PROS1: variants seen among roughly 807,000 people sequenced by gnomAD.
PROS1 encodes the protein vitamin K-dependent protein S.
PROS1 carries 29 observed loss-of-function variants against 75.9 expected under a neutral mutation model. The ratio of observed to expected loss-of-function variants is 0.38; its 90% confidence interval spans 0.28 to 0.52. PROS1 has a LOEUF of 0.52. PROS1 is among the 20% of genes least tolerant of loss of function. PROS1 has a pLI of 0.83. For missense variants in PROS1, 680 were observed against 810.3 expected, an observed-to-expected ratio of 0.84 and a Z score of 1.95; for synonymous variants, 245 against 280.6, an observed-to-expected ratio of 0.87 and a Z score of 1.27.
At position 93,949,008 on chromosome 3, in the gene PROS1, A is replaced by T. The variant is rs576018218; in HGVS notation, c.77-21601T>A. On this transcript the variant is annotated intron_variant, in intron 1 of 14. Coordinates refer to ENST00000394236, the MANE Select transcript of PROS1 (RefSeq NM_000313.4). ...AACATTGCAAGCATGGCACAGTAAC[A>T]GAATAACAGTTCATGGAACATGTGT... 2.6e-5 allele frequency among the ~76,000 whole-genome samples: 4 copies of T among 152,332 alleles called. No homozygotes were observed. In the East Asian group the frequency reaches 7.7e-4, roughly 29 times the overall value.
chr3:93,916,544 C>T (rs1409652659), intron 3 of PROS1, among the ~76,000 whole-genome samples: 5 of 152,166 alleles, frequency 3.3e-5, no homozygotes, highest in African/African-American at 1.2e-4. Context: ...TACTCCAAAG[C>T]AGTGTAATAC....
intron 10 of PROS1, among the ~76,000 whole-genome samples, chr3:93,892,689 T>TA (rs1338952395): frequency 6.6e-6 from 1 of 151,040 alleles, no homozygotes; most frequent in African/African-American, 2.4e-5. Flanking sequence ...AAACAGCAAC[T>TA]AAAAAAGGTA....
chr3:93,878,493 T>C (rs928068521), intron 13 of PROS1, among the ~76,000 whole-genome samples: 9 of 152,224 alleles, frequency 5.9e-5, no homozygotes, highest in African/African-American at 2.2e-4. Flanking sequence ...ATCAGCTTCT[T>C]GCTGTAACTT....
intron 6 of PROS1, among the ~76,000 whole-genome samples, chr3:93,904,047 T>C (rs1708637084): frequency 6.7e-6 from 1 of 148,638 alleles, no homozygotes; most frequent in South Asian, 2.2e-4. Flanking sequence ...TTCCCACCTA[T>C]GAGTGAGAAT....
chr3:93,957,719 C>G (rs8178595), intron 1 of PROS1, among the ~76,000 whole-genome samples: 1 of 152,070 alleles, frequency 6.6e-6, no homozygotes. Flanking sequence ...TCCAGGACCC[C>G]GGCAGATATA....
intron 10 of PROS1, among the ~76,000 whole-genome samples, chr3:93,892,362 C>A (rs1363291144): frequency 1.3e-5 from 2 of 149,668 alleles, no homozygotes; most frequent in Admixed American, 6.7e-5. Flanking sequence ...CGGTGGCTCA[C>A]ATCTGTAATC....
intron 1 of PROS1, among the ~76,000 whole-genome samples, chr3:93,934,008 CA>C (rs60441503): frequency 0.41 from 36,238 of 88,484 alleles, 6,104 homozygotes; most frequent in East Asian, 0.55. Context: ...GACTCTGTCT[CA>C]AAAAAAAAAA....
chr3:93,951,815 G>C (rs1559949430), intron 1 of PROS1, among the ~76,000 whole-genome samples: 1 of 152,196 alleles, frequency 6.6e-6, no homozygotes, highest in Admixed American at 6.5e-5. Flanking sequence ...AGACCCATCA[G>C]TGTGCTGTAT....
intron 4 of PROS1, among the ~76,000 whole-genome samples, chr3:93,909,692 C>A (rs937237940): frequency 1.3e-5 from 2 of 152,082 alleles, no homozygotes; most frequent in Non-Finnish European, 2.9e-5. Flanking sequence ...CCAATACTGC[C>A]TATATTTCTA....
In PROS1 at chr3:93,940,088, A is replaced by G. The variant is rs189348695; in HGVS notation, c.77-12681T>C. On this transcript the variant is annotated intron_variant, in intron 1 of 14. Transcript: ENST00000394236. ...CAGGATCTTGCTTCAAGTGCCGGAA[A>G]TCTGGCCACTGGGCCAAGGAATGCC... is the stretch of plus-strand genomic sequence containing the variant. 3.4e-3 allele frequency among the ~76,000 whole-genome samples: 511 copies of G among 152,364 alleles called. 4 individuals carry two copies. Among genetic ancestry groups the G allele is most frequent in the African/African-American group, 0.011 (465 of 41,580 alleles).
At chr3:93,927,909 G>GTGTATATATATA (rs1559941429) in intron 1 of PROS1, among the ~76,000 whole-genome samples, 13 of 136,340 alleles carry the variant, frequency 9.5e-5, no homozygotes, top group Non-Finnish European at 1.4e-4. Flanking sequence ...ATGTGTGTGT[G>GTGTATATATATA]TGTGTATATA....
intron 1 of PROS1, among the ~76,000 whole-genome samples, chr3:93,941,013 G>A (rs1000735822): frequency 2.0e-5 from 3 of 152,036 alleles, no homozygotes; most frequent in African/African-American, 4.8e-5. Context: ...TGATCTTAAC[G>A]ATGGTTTTTT....
chr3:93,888,259 C>T (rs1310726138), intron 10 of PROS1, among the ~76,000 whole-genome samples: 1 of 152,172 alleles, frequency 6.6e-6, no homozygotes, highest in Non-Finnish European at 1.5e-5. Context: ...CATGTATGCC[C>T]TTAATGGTAC....
At chr3:93,951,399 G>A (rs111702225) in intron 1 of PROS1, among the ~76,000 whole-genome samples, 33,329 of 152,086 alleles carry the variant, frequency 0.22, 4,866 homozygotes, top group Non-Finnish European at 0.33. Flanking sequence ...CAGATCTCTC[G>A]GCAGAAAATC....
At chr3:93,943,806 T>G (rs1237186148) in intron 1 of PROS1, among the ~76,000 whole-genome samples, 3 of 152,174 alleles carry the variant, frequency 2.0e-5, no homozygotes, top group Non-Finnish European at 4.4e-5. Flanking sequence ...CTGCCTTAAC[T>G]GATGACTTTA....
rs1283316416 is a variant in PROS1 at position 93,928,287 on chromosome 3, T to C, written c.77-880A>G. Among the ~76,000 whole-genome samples, 5 of 149,718 alleles carry C rather than the reference T, an allele frequency of 3.3e-5. No individual in the cohort carries two copies. The Admixed American group carries it at 3.4e-4, about 10-fold the overall frequency. On this transcript the variant is annotated intron_variant, in intron 1 of 14. Coordinates refer to ENST00000394236, the MANE Select transcript of PROS1 (RefSeq NM_000313.4). ...TCAAGGTTACAGTGAGCTGTGATCATACCACTTCACTCCAGCCAGTAAGAC... is the reference window on the plus strand; with the variant it reads ...TCAAGGTTACAGTGAGCTGTGATCACACCACTTCACTCCAGCCAGTAAGAC...
chr3:93,894,792 C>T (rs1262238461), intron 9 of PROS1, among the ~76,000 whole-genome samples: 1 of 152,088 alleles, frequency 6.6e-6, no homozygotes, highest in Admixed American at 6.6e-5. Flanking sequence ...ACACAAGGGG[C>T]AGTTTATAAA....
At chr3:93,953,217 C>T (rs574256245) in intron 1 of PROS1, among the ~76,000 whole-genome samples, 1 of 152,338 alleles carries the variant, frequency 6.6e-6, no homozygotes, top group South Asian at 2.1e-4. Context: ...TCCTCCCTAA[C>T]TCATTTTATG....
At chr3:93,880,943 A>T (rs1430842243) in intron 12 of PROS1, among the ~76,000 whole-genome samples, 1 of 152,196 alleles carries the variant, frequency 6.6e-6, no homozygotes, top group Non-Finnish European at 1.5e-5. Context: ...ACTTTAAAAA[A>T]ATCTTTCATA....
Sources: gnomAD v4.1 joint callset for allele counts (sites outside exome capture counted in the v4.1 genomes callset) on GRCh38, gnomAD v4.1.1 for gene constraint, MANE v1.5 for transcripts, NCBI Gene and HGNC (gene_info 2026-07-23, HGNC 2026-07-21) for gene names.